Variants in PIGR observed in about 807,000 individuals in gnomAD.
PIGR encodes the protein polymeric immunoglobulin receptor, also known as hepatocellular carcinoma associated protein TB6.
A neutral mutation model predicts 69.5 loss-of-function variants in PIGR; 22 were observed. That is an observed-to-expected ratio of 0.32 (90% CI 0.23 to 0.45). The LOEUF is 0.45. Ranked by LOEUF, PIGR falls within the 20% of genes least tolerant of loss-of-function variation. The probability of loss-of-function intolerance (pLI) is 1.00; values close to 1 mark genes in which losing one functional copy is unlikely to be tolerated. For synonymous variants in PIGR, 413 were observed against 407.6 expected, an observed-to-expected ratio of 1.01 and a Z score of -0.16; for missense variants, 885 against 974.0, an observed-to-expected ratio of 0.91 and a Z score of 1.22.
At position 206,935,832 on chromosome 1, in the gene PIGR, C is replaced by A; in HGVS notation, c.1046-14G>T. The A allele has an allele frequency of 6.3e-7, 1 of 1,575,978 alleles. No individual in the cohort carries two copies. The highest frequency in any genetic ancestry group is 8.7e-7 in the Non-Finnish European group (1 of 1,155,426). ...GAATCGTGGACTCTGGAAGCACAGA[C>A]AGAGATGGGATGGGAGGATGGCCAC... On this transcript the variant is annotated splice_polypyrimidine_tract_variant and intron_variant, in intron 4 of 10. Coordinates refer to ENST00000356495, the MANE Select transcript of PIGR (RefSeq NM_002644.4). The surrounding 1 kb of genome is among the most constrained non-coding windows in gnomAD (Gnocchi z 4.4).
chr1:206,941,359 C>T (rs111720706), intron 1 of PIGR, among the ~76,000 whole-genome samples: 103 of 152,294 alleles, frequency 6.8e-4, no homozygotes, highest in African/African-American at 2.4e-3. Context: ...ACTACTGTAT[C>T]GCACCCCAAA....
In PIGR at chr1:206,935,277, G is replaced by A. The variant is rs905824908; in HGVS notation, c.1378+209C>T. On this transcript the variant is annotated intron_variant, in intron 5 of 10. Coordinates refer to ENST00000356495, the MANE Select transcript of PIGR (RefSeq NM_002644.4). This position sits in a 1 kb window ranked among gnomAD's most constrained non-coding sequence, Gnocchi z 4.4. The stretch of plus-strand genomic sequence containing the variant: ...CCTGCACACTGCGAAAGAAGCCCAT[G>A]TTCTTGGTAGTAGGAGGTACCATGT... Among the ~76,000 whole-genome samples, 1 of 152,170 alleles carries A rather than the reference G, an allele frequency of 6.6e-6. No individual in the cohort carries two copies. Among genetic ancestry groups the A allele is most frequent in the Non-Finnish European group, 1.5e-5 (1 of 68,024 alleles).
intron 1 of PIGR, among the ~76,000 whole-genome samples, chr1:206,942,451 C>A (rs1680006231): frequency 6.6e-6 from 1 of 152,262 alleles, no homozygotes; most frequent in African/African-American, 2.4e-5. Flanking sequence ...CCATTTTCTA[C>A]TTGTGCTGGC....
intron 8 of PIGR, 61 bp from the exon 9 acceptor site, chr1:206,931,863 G>C: frequency 6.3e-7 from 1 of 1,598,826 alleles, no homozygotes; most frequent in South Asian, 1.1e-5. Flanking sequence ...AGGCCAGGCT[G>C]GGCTGCTTCT....
rs544441357 is a variant in PIGR, at chr1:206,939,016, C to T, written c.388+103G>A. On this transcript the variant is annotated intron_variant, in intron 3 of 10. Coordinates refer to ENST00000356495, the MANE Select transcript of PIGR (RefSeq NM_002644.4). ...AAGGGGTGCCTTCTGACCCCCAACCCGGCTACACATCCTTGTCAGGAAGTT... is the reference window on the plus strand; with the variant it reads ...AAGGGGTGCCTTCTGACCCCCAACCTGGCTACACATCCTTGTCAGGAAGTT... The T allele has an allele frequency of 2.7e-4, 277 of 1,044,418 alleles. No homozygotes were observed. In the African/African-American group the frequency reaches 3.8e-3, roughly 14 times the overall value. The allele number at this position is 1,044,418 out of a possible 1,614,324, so 64.7% of individuals were successfully genotyped here.
At chr1:206,942,379 A>C (rs1015748237) in intron 1 of PIGR, among the ~76,000 whole-genome samples, 1 of 152,228 alleles carries the variant, frequency 6.6e-6, no homozygotes, top group Middle Eastern at 3.2e-3. Flanking sequence ...AGCAGCTTTC[A>C]GGAGGCCAGG....
intron 1 of PIGR, among the ~76,000 whole-genome samples, chr1:206,945,085 C>T (rs1489581840): frequency 6.6e-6 from 1 of 152,196 alleles, no homozygotes; most frequent in Admixed American, 6.5e-5. Context: ...GAGAGAGTTG[C>T]TTTCCTGACT....
rs291096 is a variant in PIGR, at chr1:206,937,591, T to C, written c.549A>G (p.Val183=). ...PVLVIDSSGY[V]NPNYTGRIRL... is the part of the protein sequence containing the mutation. ...GTATTCTTCCTGTATAGTTGGGATT[T>C]ACATAACCACTGGAGTCGATGACCA... Residue 183 remains valine (V), a synonymous_variant, in exon 4 of 11, where the codon GTA becomes GTG. Transcript: ENST00000356495. The C allele has an allele frequency of 0.47, 759,191 of 1,613,268 alleles. 187,177 individuals are homozygous for C. The highest frequency in any genetic ancestry group is 0.86 in the African/African-American group (64,761 of 74,988).
At chr1:206,938,006 G>A (rs758004514) in intron 3 of PIGR, among the ~76,000 whole-genome samples, 10 of 152,170 alleles carry the variant, frequency 6.6e-5, no homozygotes, top group Non-Finnish European at 1.0e-4. Context: ...ATCCAATCTG[G>A]TGTATGGGTA....
At chr1:206,934,160 C>G (rs1291885977) in intron 6 of PIGR, among the ~76,000 whole-genome samples, 1 of 152,186 alleles carries the variant, frequency 6.6e-6, no homozygotes, top group East Asian at 1.9e-4. Context: ...CCACATTCAG[C>G]TGGGAGTTGT....
chr1:206,930,479 G>A lies in PIGR; in HGVS notation c.2200-66C>T. ...GCTCAGTGGGTGGAGTCAGGGGAGG[G>A]GAGGTGCTTAATGTCCTGAATTCGT... On this transcript the variant is annotated intron_variant, in intron 10 of 10. Coordinates refer to ENST00000356495, the MANE Select transcript of PIGR (RefSeq NM_002644.4). The surrounding 1 kb of genome is among the most constrained non-coding windows in gnomAD (Gnocchi z 4.3). 2 of 1,543,910 alleles carry A rather than the reference G, an allele frequency of 1.3e-6. No homozygotes were observed. Among genetic ancestry groups the A allele is most frequent in the Non-Finnish European group, 1.7e-6 (2 of 1,145,042 alleles).
intron 6 of PIGR, among the ~76,000 whole-genome samples, chr1:206,933,794 A>ATTC (rs1018438635): frequency 6.6e-6 from 1 of 152,126 alleles, no homozygotes; most frequent in African/African-American, 2.4e-5. Flanking sequence ...TATGCATATT[A>ATTC]TTCTTCTATA....
intron 1 of PIGR, among the ~76,000 whole-genome samples, chr1:206,945,456 T>C (rs1044936061): frequency 6.6e-6 from 1 of 152,194 alleles, no homozygotes; most frequent in Admixed American, 6.5e-5. Flanking sequence ...GAAGCCCATG[T>C]CTGAGATCTG....
chr1:206,944,180 A>C (rs900829114), intron 1 of PIGR, among the ~76,000 whole-genome samples: 1 of 152,210 alleles, frequency 6.6e-6, no homozygotes, highest in African/African-American at 2.4e-5. Flanking sequence ...AGTTCTTATA[A>C]GGAGACACCT....
chr1:206,934,299 C>G, intron 6 of PIGR, 121 bp downstream of exon 6: 1 of 824,082 alleles, frequency 1.2e-6, no homozygotes, highest in Non-Finnish European at 1.9e-6. Context: ...CCACTCTCCA[C>G]TTTCAGCCTC....
chr1:206,934,345 A>G, intron 6 of PIGR, 75 bp downstream of exon 6: 1 of 1,298,542 alleles, frequency 7.7e-7, no homozygotes, highest in Non-Finnish European at 1.1e-6. Context: ...CTGATTGAGA[A>G]GCTCTCAGGC....
Position 206,935,522 on chromosome 1 carries a change from G to A in PIGR, c.1342C>T (p.Leu448Phe). ...TTGATCTCCACGGTGGTCCTCCAGA[G>A]AGTATCGCCGTTGGTCAGACACCAG... ...FYWCLTNGDT[L>F]WRTTVEIKII... is the part of the protein sequence containing the mutation. The change falls in exon 5 of 11, where the codon CTC becomes TTC. Residue 448 changes from leucine (L) to phenylalanine (F), a missense_variant. Coordinates refer to ENST00000356495, the MANE Select transcript of PIGR (RefSeq NM_002644.4). The surrounding 1 kb of genome is among the most constrained non-coding windows in gnomAD (Gnocchi z 4.4). 1 of 1,614,094 alleles carries A rather than the reference G, an allele frequency of 6.2e-7. No individual in the cohort carries two copies. Among genetic ancestry groups the A allele is most frequent in the Non-Finnish European group, 8.5e-7 (1 of 1,179,994 alleles).
Position 206,931,720 on chromosome 1 carries a change from G to A in PIGR, c.2091C>T (p.Asn697=). 1 of 1,614,142 alleles carries A rather than the reference G, an allele frequency of 6.2e-7. No homozygotes were observed. ...CCTGAGTGATCGAAGAGGCTCCCAT[G>A]TTGTCATTGGCTCCAAATTCCCTGG... ...ENSREFGAND[N]MGASSITQET... The change falls in exon 9 of 11, where the codon AAC becomes AAT. Residue 697 remains asparagine, a synonymous_variant. Transcript: ENST00000356495.
At chr1:206,940,248 A>C (rs1023152268) in intron 2 of PIGR, among the ~76,000 whole-genome samples, 3 of 152,240 alleles carry the variant, frequency 2.0e-5, no homozygotes, top group Non-Finnish European at 2.9e-5. Flanking sequence ...ATTCTCAAAG[A>C]AGATCTTTCA....
Sources: allele counts gnomAD v4.1 joint callset (sites outside exome capture counted in the v4.1 genomes callset), GRCh38; gene constraint gnomAD v4.1.1; non-coding constraint Gnocchi (gnomAD v3.1); transcripts MANE v1.5; gene names NCBI Gene and HGNC (gene_info 2026-07-23, HGNC 2026-07-21).